DNAJC5B: variants seen among roughly 807,000 people sequenced by gnomAD.
The protein encoded by DNAJC5B is DnaJ heat shock protein family (Hsp40) member C5 beta.
DNAJC5B carries 23 observed loss-of-function variants against 24.7 expected under a neutral mutation model. That is an observed-to-expected ratio of 0.93 (90% CI 0.67 to 1.32). The LOEUF (loss-of-function observed/expected upper bound fraction) is 1.32. DNAJC5B is among the 40% of genes most tolerant of loss of function. The pLI is 0.00. For synonymous variants in DNAJC5B, 101 were observed against 90.1 expected (o/e 1.12, Z -0.68); for missense variants, 238 against 240.8 (o/e 0.99, Z 0.08).
chr8:66,049,991 GA>G (rs1806811729), intron 2 of DNAJC5B, among the ~76,000 whole-genome samples: 1 of 152,196 alleles, frequency 6.6e-6, no homozygotes, highest in African/African-American at 2.4e-5. Flanking sequence ...TGCATATAGA[GA>G]AAAATCGATA....
chr8:66,066,776 G>A (rs1396529277), intron 3 of DNAJC5B, among the ~76,000 whole-genome samples: 2 of 152,118 alleles, frequency 1.3e-5, no homozygotes, highest in African/African-American at 2.4e-5. Context: ...TACTACTCAG[G>A]TGTTGGATGC....
intron 3 of DNAJC5B, among the ~76,000 whole-genome samples, chr8:66,056,281 C>A (rs1482808714): frequency 1.3e-5 from 2 of 152,126 alleles, no homozygotes; most frequent in Non-Finnish European, 2.9e-5. Flanking sequence ...ATTAGACAAG[C>A]CCCACAGAAA....
intron 3 of DNAJC5B, 104 bp downstream of exon 3, chr8:66,051,770 C>T (rs1806850660): frequency 1.2e-6 from 1 of 807,450 alleles, no homozygotes; most frequent in Non-Finnish European, 2.0e-6. Context: ...ACCAGTAATC[C>T]AAATTTTAGA....
At chr8:66,042,342 T>C (rs2128958070) in intron 1 of DNAJC5B, among the ~76,000 whole-genome samples, 1 of 152,366 alleles carries the variant, frequency 6.6e-6, no homozygotes, top group East Asian at 1.9e-4. Flanking sequence ...TAATGTTCTA[T>C]GTAATACTTT....
intron 1 of DNAJC5B, among the ~76,000 whole-genome samples, chr8:66,042,619 TCTTCTC>T (rs1377072574): frequency 6.4e-4 from 95 of 147,798 alleles, no homozygotes; most frequent in Middle Eastern, 6.8e-3. Context: ...TTCTTCTTCT[TCTTCTC>T]CTTCTCCTTC....
At chr8:66,028,096 T>A (rs2128955894) in intron 1 of DNAJC5B, among the ~76,000 whole-genome samples, 1 of 152,274 alleles carries the variant, frequency 6.6e-6, no homozygotes, top group East Asian at 1.9e-4. Context: ...AGAAGCAGTG[T>A]TGTCTGGAGT....
Position 66,095,906 on chromosome 8 carries a change from G to T in DNAJC5B, c.506-4031G>T, listed in dbSNP as rs187570787. On this transcript the variant is annotated intron_variant, in intron 5 of 5. Coordinates refer to ENST00000276570, the MANE Select transcript of DNAJC5B (RefSeq NM_033105.6). ...AGTGCTTTGAAATGTCTTAGGACTT[G>T]CTGTACAGCCTGGAACTTAGCCAGT... Among the ~76,000 whole-genome samples the T allele has an allele frequency of 2.6e-5, 4 of 152,238 alleles. No individual in the cohort carries two copies. In the East Asian group the frequency reaches 7.7e-4, roughly 29 times the overall value.
chr8:66,095,412 TC>T (rs570697465), intron 5 of DNAJC5B, among the ~76,000 whole-genome samples: 12,417 of 151,858 alleles, frequency 0.082, 844 homozygotes, highest in African/African-American at 0.18. Flanking sequence ...TCTCTCTCTC[TC>T]TCTTTTTTTT....
At chr8:66,063,623 T>A (rs1241958858) in intron 3 of DNAJC5B, among the ~76,000 whole-genome samples, 1 of 152,202 alleles carries the variant, frequency 6.6e-6, no homozygotes, top group African/African-American at 2.4e-5. Context: ...TTTCACTTGA[T>A]CGAACCTCTT....
chr8:66,032,085 C>T (rs1451110689), intron 1 of DNAJC5B, among the ~76,000 whole-genome samples: 1 of 152,202 alleles, frequency 6.6e-6, no homozygotes, highest in Non-Finnish European at 1.5e-5. Flanking sequence ...AGAACTGAGC[C>T]TCAGATAATT....
intron 5 of DNAJC5B, among the ~76,000 whole-genome samples, chr8:66,084,371 G>T (rs1261929635): frequency 6.6e-6 from 1 of 152,150 alleles, no homozygotes; most frequent in Non-Finnish European, 1.5e-5. Context: ...AGAAGGCACT[G>T]GTATGACACT....
At chr8:66,040,693 C>T (rs1258395466) in intron 1 of DNAJC5B, among the ~76,000 whole-genome samples, 1 of 152,080 alleles carries the variant, frequency 6.6e-6, no homozygotes, top group Non-Finnish European at 1.5e-5. Context: ...AGTGCATAAG[C>T]CCAGCCCCAC....
At chr8:66,050,486 C>T (rs963213420) in intron 2 of DNAJC5B, among the ~76,000 whole-genome samples, 3 of 152,140 alleles carry the variant, frequency 2.0e-5, no homozygotes, top group African/African-American at 7.2e-5. Context: ...GCCAACAATA[C>T]CCAAATGTTC....
chr8:66,056,562 C>T (rs1320071072), intron 3 of DNAJC5B: 1 of 152,144 alleles, frequency 6.6e-6, no homozygotes, highest in Non-Finnish European at 1.5e-5. Context: ...CCAAACAAAC[C>T]AAAGAAGCAC....
At chr8:66,078,686 C>T (rs1160311062) in intron 4 of DNAJC5B, among the ~76,000 whole-genome samples, 2 of 151,996 alleles carry the variant, frequency 1.3e-5, no homozygotes, top group Middle Eastern at 3.2e-3. Flanking sequence ...AGTGAGGTGG[C>T]GGGTGTTGTA....
In DNAJC5B at chr8:66,079,435, G is replaced by C. The variant is rs905318656; in HGVS notation, c.334-942G>C. Among the ~76,000 whole-genome samples the C allele has an allele frequency of 1.6e-4, 24 of 152,188 alleles. 1 individual carries two copies. Among genetic ancestry groups the C allele is most frequent in the East Asian group, 1.9e-4 (1 of 5,202 alleles). On this transcript the variant is annotated intron_variant, in intron 4 of 5. Coordinates refer to ENST00000276570, the MANE Select transcript of DNAJC5B (RefSeq NM_033105.6). ...AATGCAACTGGGGACAAAGGAGGGAGTCATTGTTTTGGGCAGGATCAGGAA... is the reference window on the plus strand; with the variant it reads ...AATGCAACTGGGGACAAAGGAGGGACTCATTGTTTTGGGCAGGATCAGGAA...
chr8:66,087,406 T>A (rs1397343982), intron 5 of DNAJC5B, among the ~76,000 whole-genome samples: 1 of 152,098 alleles, frequency 6.6e-6, no homozygotes, highest in African/African-American at 2.4e-5. Flanking sequence ...CCAAACCATA[T>A]CATTCTGCCC....
At chr8:66,089,182 G>A (rs1274521433) in intron 5 of DNAJC5B, among the ~76,000 whole-genome samples, 1 of 152,188 alleles carries the variant, frequency 6.6e-6, no homozygotes, top group Admixed American at 6.5e-5. Flanking sequence ...TCTTCACAAG[G>A]CGACAGGAGA....
chr8:66,083,824 C>T (rs1807657769), intron 5 of DNAJC5B, among the ~76,000 whole-genome samples: 1 of 151,968 alleles, frequency 6.6e-6, no homozygotes, highest in Non-Finnish European at 1.5e-5. Context: ...TAATCAAATC[C>T]CCAAAATGTC....
Sources: allele counts gnomAD v4.1 joint callset (sites outside exome capture counted in the v4.1 genomes callset), GRCh38; gene constraint gnomAD v4.1.1; transcripts MANE v1.5; gene names NCBI Gene and HGNC (gene_info 2026-07-23, HGNC 2026-07-21).